GALNT9: variants seen among roughly 807,000 people sequenced by gnomAD.
GALNT9 encodes polypeptide N-acetylgalactosaminyltransferase 9, also known as GalNAc transferase 9.
In GALNT9, 47 loss-of-function variants were observed where a neutral mutation model predicts 63.1. The ratio of observed to expected loss-of-function variants is 0.75; its 90% CI spans 0.59 to 0.95. The LOEUF (loss-of-function observed/expected upper bound fraction) is 0.95, where lower values mean the gene tolerates loss of function less well. Ranked by LOEUF, GALNT9 falls within the 40% of genes least tolerant of loss-of-function variation. GALNT9 has a pLI of 0.00. For synonymous variants in GALNT9, 396 were observed against 365.7 expected (o/e 1.08, Z -0.94); for missense variants, 829 against 874.8 (o/e 0.95, Z 0.66).
At chr12:132,264,897 C>T (rs181332208) in intron 2 of GALNT9, among the ~76,000 whole-genome samples, 21 of 152,320 alleles carry the variant, frequency 1.4e-4, no homozygotes, top group African/African-American at 4.8e-4. Flanking sequence ...CGAGCCCAGG[C>T]GCCCACAGGC....
chr12:132,213,051 C>G (rs1379692238), intron 6 of GALNT9, among the ~76,000 whole-genome samples: 5 of 130,276 alleles, frequency 3.8e-5, no homozygotes, highest in African/African-American at 5.8e-5. Context: ...GACACGGAAA[C>G]CCCACCCGGG....
intron 2 of GALNT9, among the ~76,000 whole-genome samples, chr12:132,266,042 C>G (rs60452613): frequency 0.018 from 1,640 of 88,886 alleles, 26 homozygotes; most frequent in African/African-American, 0.086. Context: ...CGTATTTCAT[C>G]AACAGGCACG....
chr12:132,254,601 C>T (rs549007669), intron 5 of GALNT9, among the ~76,000 whole-genome samples: 7 of 152,322 alleles, frequency 4.6e-5, no homozygotes, highest in African/African-American at 1.2e-4. Flanking sequence ...ATGGGGCTCT[C>T]GCCCAGACTT....
intron 6 of GALNT9, among the ~76,000 whole-genome samples, chr12:132,207,840 T>C (rs1593470137): frequency 6.6e-6 from 1 of 151,630 alleles, no homozygotes; most frequent in Non-Finnish European, 1.5e-5. Flanking sequence ...AGTCGGAGAG[T>C]GAACCCCCAT....
intron 2 of GALNT9, chr12:132,280,548 G>C (rs1213242438): frequency 3.9e-5 from 6 of 152,264 alleles, no homozygotes; most frequent in African/African-American, 1.2e-4. Context: ...TAGGGGAACG[G>C]GGCCCCACGT....
chr12:132,285,406 A>G (rs928875977), intron 2 of GALNT9, among the ~76,000 whole-genome samples: 2 of 152,224 alleles, frequency 1.3e-5, no homozygotes, highest in Admixed American at 1.3e-4. Flanking sequence ...ACTTTATCCG[A>G]GCAACAATGC....
intron 6 of GALNT9, among the ~76,000 whole-genome samples, chr12:132,222,285 C>T (rs918695073): frequency 9.2e-5 from 14 of 152,156 alleles, no homozygotes; most frequent in South Asian, 2.1e-4. Flanking sequence ...ACCATTAAAA[C>T]GCACATACCA....
At chr12:132,274,595 G>C (rs1301932065) in intron 2 of GALNT9, 2 of 152,252 alleles carry the variant, frequency 1.3e-5, no homozygotes, top group Non-Finnish European at 2.9e-5. Flanking sequence ...TCCATGTGTG[G>C]CCTTTATGGA....
intron 1 of GALNT9, among the ~76,000 whole-genome samples, chr12:132,328,744 C>G (rs182941330): frequency 3.3e-5 from 5 of 152,346 alleles, no homozygotes; most frequent in Admixed American, 2.0e-4. Flanking sequence ...GGGGATTCCT[C>G]AAGTCTCCAC....
At chr12:132,305,693 A>C (rs979782425) in intron 1 of GALNT9, among the ~76,000 whole-genome samples, 7 of 152,006 alleles carry the variant, frequency 4.6e-5, no homozygotes, top group African/African-American at 1.4e-4. Context: ...ACCTGGGTAC[A>C]TCCTCGCCTG....
At chr12:132,198,443 G>C (rs61943886) in intron 9 of GALNT9, among the ~76,000 whole-genome samples, 3,927 of 99,364 alleles carry the variant, frequency 0.04, 66 homozygotes, top group South Asian at 0.075. Context: ...TGGGGCTGGG[G>C]CTGGGCCTGG....
chr12:132,257,946 T>A, intron 4 of GALNT9, 60 bp from the exon 5 acceptor site: 2 of 1,202,700 alleles, frequency 1.7e-6, no homozygotes, highest in Admixed American at 4.2e-5. Flanking sequence ...CTGAGGAGGG[T>A]CCACTCGCCC....
chr12:132,200,841 T>G, intron 8 of GALNT9: 1 of 433,948 alleles, frequency 2.3e-6, no homozygotes, highest in African/African-American at 2.0e-5. Context: ...GGGAGGTCCA[T>G]GTGAAGGAAT....
At chr12:132,243,898 A>G (rs1878582904) in intron 6 of GALNT9, among the ~76,000 whole-genome samples, 1 of 151,906 alleles carries the variant, frequency 6.6e-6, no homozygotes, top group Non-Finnish European at 1.5e-5. Flanking sequence ...CATCCTAAAT[A>G]TTTTTTGGAA....
At position 132,211,409 on chromosome 12, in the gene GALNT9, C is replaced by T. The variant is rs12231266; in HGVS notation, c.1078-7719G>A. Among the ~76,000 whole-genome samples the T allele has an allele frequency of 2.0e-4, 30 of 152,188 alleles. No homozygotes were observed. The East Asian group carries it at 3.9e-3, about 20-fold the overall frequency. On this transcript the variant is annotated intron_variant, in intron 6 of 10. Coordinates refer to ENST00000328957, the MANE Select transcript of GALNT9 (RefSeq NM_001122636.2). ...TTATAATGATTTAAAGTTCATGATC[C>T]GAAACTGTAATTACTTTTGCACCGA...
chr12:132,198,105 G>A lies in GALNT9; in HGVS notation c.1498-146C>T, dbSNP rs1369024065. ...CTCCCACCCCGGGGACGCTGTTGCGGGCGGGAGAGGACCGCCGGGCAGGGC... is the reference window on the plus strand; with the variant it reads ...CTCCCACCCCGGGGACGCTGTTGCGAGCGGGAGAGGACCGCCGGGCAGGGC... On this transcript the variant is annotated intron_variant, in intron 9 of 10. Coordinates refer to ENST00000328957, the MANE Select transcript of GALNT9 (RefSeq NM_001122636.2). 3.1e-5 allele frequency: 21 copies of A among 678,348 alleles called. No individual in the cohort carries two copies. The South Asian group carries it at 3.1e-4, about 10-fold the overall frequency. The allele number at this position is 678,348 out of a possible 1,614,324, so 42.0% of individuals were successfully genotyped here. A position where few individuals can be genotyped will look rare whatever the true frequency, so the allele number is the denominator to read the frequency against.
At chr12:132,267,438 C>T (rs893289906) in intron 2 of GALNT9, among the ~76,000 whole-genome samples, 11 of 152,230 alleles carry the variant, frequency 7.2e-5, no homozygotes, top group Non-Finnish European at 1.2e-4. Flanking sequence ...GAGGCTAAGA[C>T]GCATTCTCCC....
rs1408787604 is a variant in GALNT9, at chr12:132,203,697, G to A, written c.1078-7C>T. On this transcript the variant is annotated splice_polypyrimidine_tract_variant and splice_region_variant and intron_variant, in intron 6 of 10. Coordinates refer to ENST00000328957, the MANE Select transcript of GALNT9 (RefSeq NM_001122636.2). ...TGCCGCCACACTGCCACACCTGCGGGGAGACGGCGCTGGGTGCCGGCGTCC... is the reference window on the plus strand; with the variant it reads ...TGCCGCCACACTGCCACACCTGCGGAGAGACGGCGCTGGGTGCCGGCGTCC... The A allele has an allele frequency of 1.2e-6, 2 of 1,609,940 alleles. No individual in the cohort carries two copies. Among genetic ancestry groups the A allele is most frequent in the Non-Finnish European group, 1.7e-6 (2 of 1,179,304 alleles).
intron 2 of GALNT9, chr12:132,277,214 CT>C (rs1259989375): frequency 6.5e-6 from 1 of 154,708 alleles, no homozygotes; most frequent in Non-Finnish European, 1.5e-5. Flanking sequence ...TTGTTTACTT[CT>C]TTAATCATCC....
Sources: gnomAD v4.1 joint callset for allele counts (sites outside exome capture counted in the v4.1 genomes callset) on GRCh38, gnomAD v4.1.1 for gene constraint, MANE v1.5 for transcripts, NCBI Gene and HGNC (gene_info 2026-07-23, HGNC 2026-07-21) for gene names.